CWF19L2: variants seen among roughly 807,000 people sequenced by gnomAD.
CWF19L2 encodes CWF19-like protein 2.
In CWF19L2, 98 loss-of-function variants were observed where a neutral mutation model predicts 111.7. The observed-to-expected ratio is 0.88, with a 90% CI of 0.75 to 1.04. CWF19L2 has a LOEUF of 1.04. Ranked by LOEUF, CWF19L2 falls within the 50% of genes least tolerant of loss-of-function variation. The pLI is 0.00. For synonymous variants in CWF19L2, 351 were observed against 342.9 expected, an observed-to-expected ratio of 1.02 and a Z score of -0.26; for missense variants, 1,101 against 1,051.4, an observed-to-expected ratio of 1.05 and a Z score of -0.65.
At chr11:107,450,451 G>A (rs1425396440) in intron 3 of CWF19L2, among the ~76,000 whole-genome samples, 1 of 152,042 alleles carries the variant, frequency 6.6e-6, no homozygotes, top group African/African-American at 2.4e-5. Context: ...CTTTCAAGAG[G>A]CTGAGGTGGG....
chr11:107,379,818 G>A (rs1860654443), intron 12 of CWF19L2, among the ~76,000 whole-genome samples: 1 of 152,010 alleles, frequency 6.6e-6, no homozygotes, highest in Non-Finnish European at 1.5e-5. Flanking sequence ...CCAGCACTTT[G>A]GGAGGCCGAG....
intron 12 of CWF19L2, among the ~76,000 whole-genome samples, chr11:107,386,202 A>AG (rs1223514789): frequency 6.6e-6 from 1 of 152,060 alleles, no homozygotes; most frequent in Non-Finnish European, 1.5e-5. Context: ...TTGTAGAGAT[A>AG]GGGGTCTCAC....
At chr11:107,449,514 A>G (rs1396520048) in intron 3 of CWF19L2, among the ~76,000 whole-genome samples, 5 of 152,174 alleles carry the variant, frequency 3.3e-5, no homozygotes, top group Non-Finnish European at 5.9e-5. Flanking sequence ...GACATTAAAA[A>G]TTATAAACAA....
intron 10 of CWF19L2, among the ~76,000 whole-genome samples, chr11:107,407,107 T>C (rs1483095135): frequency 6.6e-6 from 1 of 152,104 alleles, no homozygotes; most frequent in Non-Finnish European, 1.5e-5. Flanking sequence ...CTCTTCCTCA[T>C]CAATCTTCAT....
chr11:107,364,416 C>G (rs112910209), intron 12 of CWF19L2, among the ~76,000 whole-genome samples: 4 of 148,306 alleles, frequency 2.7e-5, no homozygotes, highest in Admixed American at 6.7e-5. Flanking sequence ...TGACCACATA[C>G]TTGGAAGTAA....
chr11:107,439,056 A>AAAG, intron 6 of CWF19L2, 34 bp downstream of exon 6: 1 of 978,980 alleles, frequency 1.0e-6, no homozygotes, highest in South Asian at 1.5e-5. Flanking sequence ...AAAAAAAAAA[A>AAAG]CCCTGTGTGT....
At chr11:107,327,162 G>T in intron 17 of CWF19L2, 109 bp from the exon 18 acceptor site, 2 of 1,121,028 alleles carry the variant, frequency 1.8e-6, no homozygotes, top group Non-Finnish European at 2.5e-6. Context: ...TCTTCTCCAT[G>T]ACAATGTTCA....
At chr11:107,332,332 A>G (rs1270583142) in intron 16 of CWF19L2, among the ~76,000 whole-genome samples, 1 of 152,200 alleles carries the variant, frequency 6.6e-6, no homozygotes, top group Non-Finnish European at 1.5e-5. Flanking sequence ...TTATCATGCA[A>G]TTCCTCTGCA....
At chr11:107,371,272 G>A (rs947536522) in intron 12 of CWF19L2, among the ~76,000 whole-genome samples, 1 of 137,004 alleles carries the variant, frequency 7.3e-6, no homozygotes, top group Non-Finnish European at 1.6e-5. Context: ...CAAAGTGCTG[G>A]GATTACAGGC....
intron 16 of CWF19L2, among the ~76,000 whole-genome samples, chr11:107,330,667 C>T (rs1394298664): frequency 2.0e-5 from 3 of 148,374 alleles, no homozygotes; most frequent in African/African-American, 5.1e-5. Flanking sequence ...CACACACACA[C>T]ACACACACAC....
At chr11:107,365,061 C>G (rs1591165555) in intron 12 of CWF19L2, among the ~76,000 whole-genome samples, 1 of 122,030 alleles carries the variant, frequency 8.2e-6, no homozygotes, top group Non-Finnish European at 1.7e-5. Flanking sequence ...TGCAAATAAA[C>G]TAGAAAATCT....
intron 1 of CWF19L2, among the ~76,000 whole-genome samples, chr11:107,456,293 G>C (rs897779047): frequency 1.3e-5 from 2 of 152,140 alleles, no homozygotes; most frequent in African/African-American, 4.8e-5. Context: ...GTTTTTCCTA[G>C]GAAATCGTTC....
chr11:107,426,063 AAG>A (rs1221331029), intron 8 of CWF19L2, among the ~76,000 whole-genome samples: 1 of 151,910 alleles, frequency 6.6e-6, no homozygotes, highest in African/African-American at 2.4e-5. Flanking sequence ...AATAAAGAAA[AAG>A]AGTGATAAAT....
intron 12 of CWF19L2, among the ~76,000 whole-genome samples, chr11:107,355,263 A>G (rs1860218927): frequency 6.6e-6 from 1 of 152,094 alleles, no homozygotes; most frequent in Non-Finnish European, 1.5e-5. Flanking sequence ...TAAAAATACA[A>G]AAGTAGCCGG....
chr11:107,420,949 AATGGAC>A (rs147792297), intron 8 of CWF19L2, among the ~76,000 whole-genome samples: 4,974 of 152,100 alleles, frequency 0.033, 122 homozygotes, highest in Non-Finnish European at 0.05. Context: ...AACATGCCCA[AATGGAC>A]ATCCATAGAA....
At chr11:107,441,126 A>G (rs1861613601) in intron 5 of CWF19L2, among the ~76,000 whole-genome samples, 2 of 152,270 alleles carry the variant, frequency 1.3e-5, no homozygotes, top group Non-Finnish European at 2.9e-5. Context: ...AGTATAAAAT[A>G]AGCATGCTTA....
intron 8 of CWF19L2, among the ~76,000 whole-genome samples, chr11:107,419,225 A>G (rs1345742193): frequency 7.9e-5 from 12 of 152,234 alleles, no homozygotes; most frequent in Admixed American, 7.9e-4. Flanking sequence ...ACAGTATTAA[A>G]GAGTCTTGCT....
chr11:107,340,196 C>CA (rs1859986383), intron 14 of CWF19L2, among the ~76,000 whole-genome samples: 1 of 152,112 alleles, frequency 6.6e-6, no homozygotes, highest in Admixed American at 6.5e-5. Flanking sequence ...CTTTTGGTGT[C>CA]AAGTCAAAGA....
intron 12 of CWF19L2, among the ~76,000 whole-genome samples, chr11:107,363,297 C>T (rs1332724787): frequency 6.6e-6 from 1 of 152,074 alleles, no homozygotes; most frequent in East Asian, 1.9e-4. Flanking sequence ...GGCAGGCCAA[C>T]GTTCAGATTC....
Sources: gnomAD v4.1 joint callset for allele counts (sites outside exome capture counted in the v4.1 genomes callset) on GRCh38, gnomAD v4.1.1 for gene constraint, MANE v1.5 for transcripts, NCBI Gene and HGNC (gene_info 2026-07-23, HGNC 2026-07-21) for gene names.